The following CABP4 variants were observed in gnomAD, a reference collection of about 807,000 sequenced individuals.
CABP4 encodes calcium-binding protein 4.
CABP4 carries 30 observed loss-of-function variants against 30.7 expected under a neutral mutation model. The observed-to-expected ratio is 0.98, with a 90% CI of 0.73 to 1.33. The LOEUF is 1.33. Ranked by LOEUF, CABP4 falls within the 40% of genes most tolerant of loss-of-function variation. The pLI is 0.00. For missense variants in CABP4, 424 were observed against 395.5 expected (o/e 1.07, Z -0.61); for synonymous variants, 161 against 159.2 (o/e 1.01, Z -0.08).
At position 67,460,516 on chromosome 11, in the gene CABP4, TACACACACACACACAC is replaced by T. The variant is rs35146220; in HGVS notation, c.*1869_*1884del. ...AAAAAAATAAAGTATATTTTATATA[TACACACACACACACAC>T]ACACACACACAGCCATTGGAATGAA... On this transcript the variant is annotated 3_prime_UTR_variant, in exon 6 of 6. Coordinates refer to ENST00000325656, the MANE Select transcript of CABP4 (RefSeq NM_145200.5). 1.3e-5 allele frequency among the ~76,000 whole-genome samples: 2 copies of T among 149,382 alleles called. No homozygotes were observed. Among genetic ancestry groups the T allele is most frequent in the Non-Finnish European group, 3.0e-5 (2 of 67,216 alleles).
upstream of CABP4, chr11:67,452,436 A>G (rs1339469115): frequency 7.4e-6 from 12 of 1,612,660 alleles, no homozygotes; most frequent in Non-Finnish European, 1.0e-5. Context: ...CCCAGCGGCC[A>G]GTGTCCCCCA....
rs750889778 is a variant in CABP4 at position 67,455,737 on chromosome 11, A to G, written c.314A>G (p.His105Arg). ...QSHRHRPDSL[H>R]DAAQRTYGPL... Reference sequence around the variant, plus strand: ...CACCGACATCGTCCTGACTCCCTGCACGACGCTGCTCAGAGGACATACGGG... The same window carrying G: ...CACCGACATCGTCCTGACTCCCTGCGCGACGCTGCTCAGAGGACATACGGG... The change falls in exon 1 of 6, where the codon CAC becomes CGC. Residue 105 changes from histidine (H) to arginine (R), a missense_variant. By Grantham distance (29) the His-to-Arg change is conservative. Transcript: ENST00000325656. 3 of 1,603,144 alleles carry G rather than the reference A, an allele frequency of 1.9e-6. No individual in the cohort carries two copies. In the South Asian group the frequency reaches 3.4e-5, roughly 18 times the overall value.
upstream of CABP4, chr11:67,452,545 A>G (rs374934185): frequency 1.9e-6 from 3 of 1,606,728 alleles, no homozygotes; most frequent in Non-Finnish European, 2.5e-6. Flanking sequence ...TGCCAGCTCC[A>G]TGCCGGGCCT....
chr11:67,455,731 C>T lies in CABP4; in HGVS notation c.308C>T (p.Ser103Phe), dbSNP rs371987370. The change falls in exon 1 of 6, where the codon TCC (serine) becomes TTC (phenylalanine). Residue 103 changes from serine to phenylalanine, a missense_variant. Physicochemically the swap from Ser to Phe is radical, Grantham distance 155. Transcript: ENST00000325656. Reference sequence around the variant, plus strand: ...CAGTCCCACCGACATCGTCCTGACTCCCTGCACGACGCTGCTCAGAGGACA... The same window carrying T: ...CAGTCCCACCGACATCGTCCTGACTTCCTGCACGACGCTGCTCAGAGGACA... ...SRQSHRHRPD[S>F]LHDAAQRTYG... is the part of the protein sequence containing the mutation. 2 of 1,605,194 alleles carry T rather than the reference C, an allele frequency of 1.2e-6. No homozygotes were observed. Among genetic ancestry groups the T allele is most frequent in the Admixed American group, 1.7e-5 (1 of 59,136 alleles).
chr11:67,454,881 C>T (rs1284365916), upstream of CABP4, among the ~76,000 whole-genome samples: 1 of 152,198 alleles, frequency 6.6e-6, no homozygotes, highest in African/African-American at 2.4e-5. Flanking sequence ...CTCCATTTCA[C>T]ACACCCTCTG....
chr11:67,458,189 G>T (rs778502582), intron 4 of CABP4, among the ~76,000 whole-genome samples, 182 bp from the exon 5 acceptor site: 4 of 152,108 alleles, frequency 2.6e-5, no homozygotes, highest in African/African-American at 7.2e-5. Flanking sequence ...AACCCTGGAG[G>T]CGAAGGTTGC....
upstream of CABP4, among the ~76,000 whole-genome samples, chr11:67,455,126 C>T (rs1365036712): frequency 1.3e-5 from 2 of 152,170 alleles, no homozygotes; most frequent in African/African-American, 2.4e-5. Flanking sequence ...TTGCTGGATC[C>T]CCCAGCTAAT....
rs373308879 is a variant in CABP4, at chr11:67,458,411, T to C, written c.692T>C (p.Leu231Pro). The change falls in exon 5 of 6, where the codon CTG (leucine) becomes CCG (proline). Residue 231 changes from leucine to proline, a missense_variant. Physicochemically the swap from Leu to Pro is moderately conservative, Grantham distance 98 (BLOSUM62 -3). Transcript: ENST00000325656. ...GATGGACGAATTACGGTGGCGGAGC[T>C]GCGGGAGGCGGTACCGGCTCTGCTC... Reference protein sequence around the residue: ...DRDGRITVAELREAVPALLGE... With the variant: ...DRDGRITVAEPREAVPALLGE... The C allele has an allele frequency of 1.1e-5, 17 of 1,613,530 alleles. No individual in the cohort carries two copies. The highest frequency in any genetic ancestry group is 3.3e-5 in the Admixed American group (2 of 60,016).
At chr11:67,453,690 T>C (rs1350006995), upstream of CABP4, 1 of 145,542 alleles carries the variant, frequency 6.9e-6, no homozygotes, top group African/African-American at 2.5e-5. Flanking sequence ...AGTATTCTAG[T>C]GGAACTCCTA....
In CABP4 at chr11:67,458,517, C is replaced by T. The variant is rs201724401; in HGVS notation, c.798C>T (p.Asp266=). The T allele has an allele frequency of 7.4e-6, 12 of 1,614,078 alleles. No homozygotes were observed. Among genetic ancestry groups the T allele is most frequent in the East Asian group, 6.7e-5 (3 of 44,872 alleles). The change falls in exon 5 of 6, where the codon GAC becomes GAT. Residue 266 remains aspartate (D), a splice_region_variant and synonymous_variant. Transcript: ENST00000325656. ...DLNGDGTVDF[D]EFVMMLSRH ...ATGGGGATGGCACCGTAGACTTTGA[C>T]GGTGAGTCTCCTTCCCGGAAAACCC...
At chr11:67,456,595 G>C (rs959033733) in intron 3 of CABP4, among the ~76,000 whole-genome samples, 153 bp downstream of exon 3, 2 of 152,214 alleles carry the variant, frequency 1.3e-5, no homozygotes, top group Non-Finnish European at 2.9e-5. Context: ...TCAAGCTCCT[G>C]CCTCTCTGTG....
rs370492431 is a variant in CABP4, at chr11:67,458,525, C to T, written c.799+7C>T. 2.8e-5 allele frequency: 45 copies of T among 1,614,126 alleles called. No homozygotes were observed. Among genetic ancestry groups the T allele is most frequent in the Non-Finnish European group, 3.8e-5 (45 of 1,180,018 alleles). On this transcript the variant is annotated splice_region_variant and intron_variant, in intron 5 of 5. Transcript: ENST00000325656. ...GGCACCGTAGACTTTGACGGTGAGT[C>T]TCCTTCCCGGAAAACCCTCCCGTGC...
Position 67,457,558 on chromosome 11 carries a change from T to C in CABP4, c.542-15T>C. The C allele has an allele frequency of 6.4e-7, 1 of 1,565,618 alleles. No individual in the cohort carries two copies. The highest frequency in any genetic ancestry group is 1.7e-4 in the Middle Eastern group (1 of 6,008). On this transcript the variant is annotated splice_polypyrimidine_tract_variant and intron_variant, in intron 3 of 5. Coordinates refer to ENST00000325656, the MANE Select transcript of CABP4 (RefSeq NM_145200.5). ...TTATGCCCTCACCATTGTGACACTCTTCCTGGGTCTGCAGTGGGCGGCCGT... is the reference window on the plus strand; with the variant it reads ...TTATGCCCTCACCATTGTGACACTCCTCCTGGGTCTGCAGTGGGCGGCCGT...
chr11:67,455,844 C>A, intron 1 of CABP4, 55 bp downstream of exon 1: 8 of 1,537,224 alleles, frequency 5.2e-6, no homozygotes, highest in Non-Finnish European at 7.0e-6. Flanking sequence ...TGGAGACACA[C>A]CCCTTGGGCT....
Position 67,460,514 on chromosome 11 carries a change from TATAC to T in CABP4, c.*1857_*1860del, listed in dbSNP as rs1040250624. 1.8e-4 allele frequency among the ~76,000 whole-genome samples: 21 copies of T among 118,620 alleles called. No individual in the cohort carries two copies. The highest frequency in any genetic ancestry group is 2.8e-4 in the Non-Finnish European group (17 of 60,838). 77.8% of individuals were successfully genotyped at this position (118,620 alleles called of 152,430 possible). On this transcript the variant is annotated 3_prime_UTR_variant, in exon 6 of 6. Transcript: ENST00000325656. ...TTAAAAAAATAAAGTATATTTTATA[TATAC>T]ACACACACACACACACACACACACA...
chr11:67,456,155 G>A (rs760901397), intron 1 of CABP4, 33 bp from the exon 2 acceptor site: 9 of 1,612,936 alleles, frequency 5.6e-6, no homozygotes, highest in Admixed American at 1.7e-5. Context: ...GCCGTGGCTG[G>A]CCCTGGGGAC....
chr11:67,457,720 C>T (rs749861593), intron 4 of CABP4, 38 bp downstream of exon 4: 1 of 1,496,726 alleles, frequency 6.7e-7, no homozygotes, highest in Non-Finnish European at 9.1e-7. Flanking sequence ...GGGGGCAGGG[C>T]TGGGTGGCAT....
At position 67,455,700 on chromosome 11, in the gene CABP4, T is replaced by A; in HGVS notation, c.277T>A (p.Ser93Thr). 6.2e-7 allele frequency: 1 copy of A among 1,607,710 alleles called. No homozygotes were observed. The highest frequency in any genetic ancestry group is 8.5e-7 in the Non-Finnish European group (1 of 1,178,404). ...CCCTGCATCCCCTGGGCCGGCCTCT[T>A]CTCGCCAGTCCCACCGACATCGTCC... is the stretch of plus-strand genomic sequence containing the variant. ...APPASPGPAS[S>T]RQSHRHRPDS... Residue 93 changes from serine to threonine, a missense_variant, in exon 1 of 6, where the codon TCT becomes ACT. Coordinates refer to ENST00000325656, the MANE Select transcript of CABP4 (RefSeq NM_145200.5).
rs550153300 is a variant in CABP4 at position 67,458,427 on chromosome 11, G to C, written c.708G>C (p.Pro236=). Residue 236 remains proline (P), a synonymous_variant, in exon 5 of 6, where the codon CCG becomes CCC. Transcript: ENST00000325656. ...TGGCGGAGCTGCGGGAGGCGGTACC[G>C]GCTCTGCTCGGGGAGCCGCTGGCGG... is the stretch of plus-strand genomic sequence containing the variant. The part of the protein sequence containing the change: ...ITVAELREAV[P]ALLGEPLAGP... 22 of 1,613,862 alleles carry C rather than the reference G, an allele frequency of 1.4e-5. No homozygotes were observed. In the African/African-American group the frequency reaches 1.5e-4, roughly 11 times the overall value.
Sources: gnomAD v4.1 joint callset for allele counts (sites outside exome capture counted in the v4.1 genomes callset) on GRCh38, gnomAD v4.1.1 for gene constraint, MANE v1.5 for transcripts, NCBI Gene and HGNC (gene_info 2026-07-23, HGNC 2026-07-21) for gene names.